Variants in CRPPA observed in about 807,000 individuals in gnomAD.
The protein encoded by CRPPA is D-ribitol-5-phosphate cytidylyltransferase.
In CRPPA, 43 loss-of-function variants were observed where a neutral mutation model predicts 52.0. That is an observed-to-expected ratio of 0.83 (90% confidence interval 0.65 to 1.07). The LOEUF (loss-of-function observed/expected upper bound fraction) is 1.07, where lower values mean the gene tolerates loss of function less well. Among genes scored for constraint, CRPPA ranks in the 50% least tolerant of loss-of-function variants. The pLI, the probability that CRPPA is intolerant of heterozygous loss-of-function variation, is 0.00. For missense variants in CRPPA, 629 were observed against 551.7 expected, an observed-to-expected ratio of 1.14 and a Z score of -1.40; for synonymous variants, 250 against 203.5, an observed-to-expected ratio of 1.23 and a Z score of -1.94.
intron 1 of CRPPA, among the ~76,000 whole-genome samples, chr7:16,409,768 C>A (rs569891297): frequency 6.6e-6 from 1 of 152,142 alleles, no homozygotes; most frequent in Non-Finnish European, 1.5e-5. Flanking sequence ...TTTTTCTATA[C>A]TACCATCTTA....
At chr7:16,096,643 G>C (rs528304633) in intron 9 of CRPPA, among the ~76,000 whole-genome samples, 7 of 152,088 alleles carry the variant, frequency 4.6e-5, no homozygotes, top group African/African-American at 7.2e-5. Flanking sequence ...CCAGGGTAGA[G>C]TGCAGGTTGC....
chr7:16,389,002 A>G (rs1017876236), intron 2 of CRPPA, among the ~76,000 whole-genome samples: 1 of 152,206 alleles, frequency 6.6e-6, no homozygotes, highest in African/African-American at 2.4e-5. Flanking sequence ...ACTATATTCC[A>G]GCAAATTAGA....
intron 4 of CRPPA, among the ~76,000 whole-genome samples, chr7:16,304,120 G>C (rs890814455): frequency 6.6e-6 from 1 of 152,100 alleles, no homozygotes; most frequent in Non-Finnish European, 1.5e-5. Context: ...CTAAATTAAA[G>C]GGACTCAAGT....
intron 8 of CRPPA, among the ~76,000 whole-genome samples, chr7:16,236,859 C>G (rs1782965499): frequency 6.6e-6 from 1 of 151,858 alleles, no homozygotes; most frequent in African/African-American, 2.4e-5. Context: ...TTGTGTCTAT[C>G]CCTGGAACTC....
chr7:16,215,032 C>A (rs1248978963), intron 9 of CRPPA, among the ~76,000 whole-genome samples: 1 of 152,142 alleles, frequency 6.6e-6, no homozygotes, highest in Non-Finnish European at 1.5e-5. Context: ...GAAACAACAA[C>A]CTTTAAGTTA....
At position 16,241,946 on chromosome 7, in the gene CRPPA, C is replaced by CTTTTTTTT. The variant is rs71549979; in HGVS notation, c.1119+16436_1119+16443dup. ...TGTTTAATGTAGTTAAAAATCTATTCTTTTTTTTTTTTTTTTTTTTTTGTT... is the reference window on the plus strand; with the variant it reads ...TGTTTAATGTAGTTAAAAATCTATTCTTTTTTTTTTTTTTTTTTTTTTTTTTTTTTGTT... On this transcript the variant is annotated intron_variant, in intron 8 of 9. Coordinates refer to ENST00000407010, the MANE Select transcript of CRPPA (RefSeq NM_001101426.4). Among the ~76,000 whole-genome samples the CTTTTTTTT allele has an allele frequency of 1.7e-3, 94 of 55,370 alleles. 10 individuals are homozygous for CTTTTTTTT. Among genetic ancestry groups the CTTTTTTTT allele is most frequent in the South Asian group, 2.7e-3 (5 of 1,864 alleles). The allele number at this position is 55,370 out of a possible 152,430, so 36.3% of individuals were successfully genotyped here.
chr7:16,386,424 T>C (rs75805937), intron 2 of CRPPA, among the ~76,000 whole-genome samples: 3,950 of 152,286 alleles, frequency 0.026, 72 homozygotes, highest in East Asian at 0.13. Context: ...GGAAAGTCTG[T>C]TCCCATTTAG....
chr7:16,351,750 A>G (rs958939676), intron 3 of CRPPA, among the ~76,000 whole-genome samples: 1 of 152,198 alleles, frequency 6.6e-6, no homozygotes, highest in Admixed American at 6.5e-5. Flanking sequence ...GATCATTAAA[A>G]AGTCAGGAAA....
intron 9 of CRPPA, among the ~76,000 whole-genome samples, chr7:16,187,227 G>A (rs960521742): frequency 6.6e-6 from 1 of 152,094 alleles, no homozygotes; most frequent in Non-Finnish European, 1.5e-5. Flanking sequence ...TTAAGCATAT[G>A]TACTACATTG....
intron 3 of CRPPA, among the ~76,000 whole-genome samples, chr7:16,361,656 A>G (rs1786447088): frequency 6.6e-6 from 1 of 152,200 alleles, no homozygotes; most frequent in African/African-American, 2.4e-5. Flanking sequence ...CTCAGAGTCA[A>G]AGTAAAATGG....
chr7:16,115,914 A>T (rs1324328132), intron 9 of CRPPA, among the ~76,000 whole-genome samples: 1 of 152,214 alleles, frequency 6.6e-6, no homozygotes, highest in Non-Finnish European at 1.5e-5. Context: ...AGATGGCACA[A>T]AAGGTAAAGA....
chr7:16,101,159 T>C (rs977362034), intron 9 of CRPPA, among the ~76,000 whole-genome samples: 4 of 152,192 alleles, frequency 2.6e-5, no homozygotes, highest in South Asian at 2.1e-4. Flanking sequence ...AGGATGATGC[T>C]GGCCTCATAA....
rs191425242 is a variant in CRPPA, at chr7:16,328,384, T to C, written c.685-19757A>G. ...TACCAGTCTTGCTTTCAATTTTCTGTATATGAAAAGCACTATATAAGCACT... is the reference window on the plus strand; with the variant it reads ...TACCAGTCTTGCTTTCAATTTTCTGCATATGAAAAGCACTATATAAGCACT... On this transcript the variant is annotated intron_variant, in intron 3 of 9. Coordinates refer to ENST00000407010, the MANE Select transcript of CRPPA (RefSeq NM_001101426.4). Among the ~76,000 whole-genome samples, 91 of 152,334 alleles carry C rather than the reference T, an allele frequency of 6.0e-4. 1 individual carries two copies. Among genetic ancestry groups the C allele is most frequent in the African/African-American group, 2.1e-3 (89 of 41,590 alleles).
At chr7:16,214,610 T>C (rs1440669176) in intron 9 of CRPPA, among the ~76,000 whole-genome samples, 5 of 152,122 alleles carry the variant, frequency 3.3e-5, no homozygotes, top group Non-Finnish European at 7.4e-5. Context: ...ATTCAAGTGA[T>C]TCTCCCACCT....
chr7:16,243,982 T>C (rs937472678), intron 8 of CRPPA, among the ~76,000 whole-genome samples: 8 of 152,032 alleles, frequency 5.3e-5, no homozygotes. Flanking sequence ...AATCAACCAA[T>C]AACCACTTGA....
intron 9 of CRPPA, among the ~76,000 whole-genome samples, chr7:16,170,985 G>A (rs955469420): frequency 1.3e-4 from 20 of 152,188 alleles, no homozygotes; most frequent in Admixed American, 7.2e-4. Context: ...GAGGGAAGCC[G>A]GCTCCAGCCT....
intron 2 of CRPPA, among the ~76,000 whole-genome samples, chr7:16,398,059 A>C (rs1053965952): frequency 6.6e-6 from 1 of 152,260 alleles, no homozygotes; most frequent in Non-Finnish European, 1.5e-5. Context: ...GCTGATCGAA[A>C]TGACCAGGGC....
At chr7:16,117,306 G>A (rs1782394850) in intron 9 of CRPPA, among the ~76,000 whole-genome samples, 1 of 152,114 alleles carries the variant, frequency 6.6e-6, no homozygotes, top group African/African-American at 2.4e-5. Flanking sequence ...CAGCATCAGG[G>A]GTGAGTTCTC....
intron 2 of CRPPA, among the ~76,000 whole-genome samples, chr7:16,399,669 C>T (rs140452434): frequency 2.0e-4 from 30 of 151,566 alleles, no homozygotes; most frequent in African/African-American, 2.4e-4. Context: ...GACACGTGGC[C>T]GACGCATGAC....
Sources: gnomAD v4.1 joint callset for allele counts (sites outside exome capture counted in the v4.1 genomes callset) on GRCh38, gnomAD v4.1.1 for gene constraint, MANE v1.5 for transcripts, NCBI Gene and HGNC (gene_info 2026-07-23, HGNC 2026-07-21) for gene names.